GRIK2: variants seen among roughly 807,000 people sequenced by gnomAD.
GRIK2 encodes the protein glutamate ionotropic receptor kainate type subunit 2.
Under a neutral mutation model 100.3 loss-of-function variants are expected in GRIK2, and 32 were observed. The ratio of observed to expected loss-of-function variants is 0.32; its 90% CI spans 0.24 to 0.43. The LOEUF (loss-of-function observed/expected upper bound fraction) is 0.43. Among genes scored for constraint, GRIK2 ranks in the 20% least tolerant of loss-of-function variants. The probability of loss-of-function intolerance (pLI) is 1.00; values close to 1 mark genes in which losing one functional copy is unlikely to be tolerated. For missense variants in GRIK2, 843 were observed against 1,114.9 expected (o/e 0.76, Z 3.47); for synonymous variants, 417 against 389.4 (o/e 1.07, Z -0.83).
rs150969672 is a variant in GRIK2 at position 101,606,199 on chromosome 6, G to A, written c.116-15750G>A. On this transcript the variant is annotated intron_variant, in intron 2 of 16. Transcript: ENST00000369134. ...TCAAACTGGGCTGACAGGGGACTTA[G>A]GTTGTGGTGCTGTAATATTACTTTC... is the stretch of plus-strand genomic sequence containing the variant. Among the ~76,000 whole-genome samples, 106 of 152,120 alleles carry A rather than the reference G, an allele frequency of 7.0e-4. 1 individual carries two copies. The highest frequency in any genetic ancestry group is 2.5e-3 in the African/African-American group (105 of 41,548).
At chr6:102,067,766 ATTTG>A (rs1772089605) in intron 16 of GRIK2, among the ~76,000 whole-genome samples, 1 of 151,896 alleles carries the variant, frequency 6.6e-6, no homozygotes. Context: ...ATTAAGTCAT[ATTTG>A]TTTGTAATCA....
chr6:102,006,390 A>ATATTTTTTTTTTT lies in GRIK2; in HGVS notation c.2086-28950_2086-28949insATTTTTTTTTTTT, dbSNP rs1315524835. Among the ~76,000 whole-genome samples the ATATTTTTTTTTTT allele has an allele frequency of 1.7e-3, 191 of 114,064 alleles. 4 individuals carry two copies. The highest frequency in any genetic ancestry group is 8.5e-3 in the African/African-American group (186 of 21,880). 74.8% of individuals were successfully genotyped at this position (114,064 alleles called of 152,430 possible). ...CTTTTATATATATATATATATATAT[A>ATATTTTTTTTTTT]TTTTTTTTTTTTTTGAGACATACAG... On this transcript the variant is annotated intron_variant, in intron 14 of 16. Transcript: ENST00000369134.
At chr6:101,691,949 G>T (rs1772128357) in intron 7 of GRIK2, among the ~76,000 whole-genome samples, 1 of 149,824 alleles carries the variant, frequency 6.7e-6, no homozygotes, top group Admixed American at 6.7e-5. Context: ...CTATGTGGGA[G>T]GCTGAGGTGG....
At chr6:101,807,655 C>T (rs1397403702) in intron 9 of GRIK2, among the ~76,000 whole-genome samples, 1 of 151,760 alleles carries the variant, frequency 6.6e-6, no homozygotes, top group Admixed American at 6.6e-5. Context: ...AGCAGGGCAC[C>T]TAGATAATGG....
At chr6:101,412,424 A>G (rs533135787) in intron 2 of GRIK2, among the ~76,000 whole-genome samples, 98 of 152,150 alleles carry the variant, frequency 6.4e-4, no homozygotes, top group African/African-American at 2.0e-3. Context: ...TGTATAGGAG[A>G]CACTTTACTG....
At chr6:101,610,265 A>G (rs930318342) in intron 2 of GRIK2, among the ~76,000 whole-genome samples, 1 of 151,700 alleles carries the variant, frequency 6.6e-6, no homozygotes, top group African/African-American at 2.4e-5. Context: ...TGTTTTGTAT[A>G]TAATATCAAA....
intron 12 of GRIK2, among the ~76,000 whole-genome samples, chr6:101,895,600 T>G (rs1175617474): frequency 1.3e-5 from 2 of 151,738 alleles, no homozygotes; most frequent in Non-Finnish European, 3.0e-5. Context: ...GATAACTGTT[T>G]TGGTGGGATG....
intron 7 of GRIK2, among the ~76,000 whole-genome samples, chr6:101,759,930 G>A (rs1221240500): frequency 1.6e-5 from 2 of 127,466 alleles, no homozygotes; most frequent in Non-Finnish European, 3.0e-5. Context: ...GCCGGACTGC[G>A]GACTGCAGTG....
At chr6:101,465,524 A>G (rs908577984) in intron 2 of GRIK2, among the ~76,000 whole-genome samples, 1 of 152,198 alleles carries the variant, frequency 6.6e-6, no homozygotes, top group African/African-American at 2.4e-5. Flanking sequence ...CATGATAGAC[A>G]TTTAGGTTAA....
In GRIK2 at chr6:101,802,395, T is replaced by A; in HGVS notation, c.1160T>A (p.Phe387Tyr). The A allele has an allele frequency of 6.3e-7, 1 of 1,589,832 alleles. No homozygotes were observed. Among genetic ancestry groups the A allele is most frequent in the Non-Finnish European group, 8.6e-7 (1 of 1,166,000 alleles). Residue 387 changes from phenylalanine to tyrosine, a missense_variant, in exon 9 of 17, where the codon TTT becomes TAT. By Grantham distance (22) the Phe-to-Tyr change is conservative. Coordinates refer to ENST00000369134, the MANE Select transcript of GRIK2 (RefSeq NM_021956.5). ...AAAACCAATGGCTTGAGAACAGATT[T>A]TGATTTGGATGTGATCAGTCTGAAG... ...FNKTNGLRTD[F>Y]DLDVISLKEE...
chr6:101,458,579 A>C (rs558353850), intron 2 of GRIK2, among the ~76,000 whole-genome samples: 171 of 152,322 alleles, frequency 1.1e-3, no homozygotes, highest in Non-Finnish European at 1.9e-3. Context: ...TGTTCTAGGC[A>C]CTGCAGATAC....
At chr6:101,739,560 C>A (rs1487636901) in intron 7 of GRIK2, among the ~76,000 whole-genome samples, 1 of 152,054 alleles carries the variant, frequency 6.6e-6, no homozygotes, top group East Asian at 1.9e-4. Flanking sequence ...GACTAGTCTA[C>A]CTTCTTAATT....
intron 7 of GRIK2, among the ~76,000 whole-genome samples, chr6:101,784,145 G>GACCTTCACA (rs1164541818): frequency 6.6e-6 from 1 of 152,224 alleles, no homozygotes; most frequent in Non-Finnish European, 1.5e-5. Context: ...GCATATCAGA[G>GACCTTCACA]ACCTTCACAG....
chr6:101,661,962 A>G (rs1462599967), intron 4 of GRIK2, among the ~76,000 whole-genome samples: 2 of 152,140 alleles, frequency 1.3e-5, no homozygotes, highest in Non-Finnish European at 1.5e-5. Flanking sequence ...ATTTGTTTAT[A>G]TCATTCTTAA....
chr6:101,553,927 G>C lies in GRIK2; in HGVS notation c.116-68022G>C, dbSNP rs116727735. 6.2e-3 allele frequency among the ~76,000 whole-genome samples: 937 copies of C among 152,288 alleles called. 4 individuals are homozygous for C. Among genetic ancestry groups the C allele is most frequent in the African/African-American group, 0.019 (801 of 41,564 alleles). On this transcript the variant is annotated intron_variant, in intron 2 of 16. Coordinates refer to ENST00000369134, the MANE Select transcript of GRIK2 (RefSeq NM_021956.5). ...TTGCCTGCCCATACCGCCTTCCAGA[G>C]GAACTATCTACTGACAGACGCAGTC...
At chr6:101,916,662 G>A (rs1286682060) in intron 12 of GRIK2, among the ~76,000 whole-genome samples, 1 of 151,480 alleles carries the variant, frequency 6.6e-6, no homozygotes, top group Non-Finnish European at 1.5e-5. Flanking sequence ...AACCTTCTGT[G>A]CACTTCAGAG....
At chr6:101,534,334 CA>C (rs1306315441) in intron 2 of GRIK2, among the ~76,000 whole-genome samples, 5 of 151,780 alleles carry the variant, frequency 3.3e-5, no homozygotes, top group African/African-American at 1.2e-4. Context: ...AAGCTTCAGC[CA>C]ATTTGTGGTG....
intron 7 of GRIK2, among the ~76,000 whole-genome samples, chr6:101,770,040 C>T (rs755783500): frequency 4.2e-4 from 64 of 152,066 alleles, no homozygotes; most frequent in Non-Finnish European, 7.8e-4. Flanking sequence ...TTTTTGTTAT[C>T]AGACATACAA....
intron 10 of GRIK2, 66 bp from the exon 11 acceptor site, chr6:101,859,221 C>A: frequency 2.5e-6 from 2 of 803,464 alleles, no homozygotes; most frequent in Non-Finnish European, 2.1e-6. Flanking sequence ...CTAAGAAAAG[C>A]AATAATTCTG....
Sources: gnomAD v4.1 joint callset for allele counts (sites outside exome capture counted in the v4.1 genomes callset) on GRCh38, gnomAD v4.1.1 for gene constraint, MANE v1.5 for transcripts, NCBI Gene and HGNC (gene_info 2026-07-23, HGNC 2026-07-21) for gene names.